The following MTDH variants were observed in gnomAD, a reference collection of about 807,000 sequenced individuals.
MTDH encodes metadherin.
MTDH carries 34 observed loss-of-function variants against 72.7 expected under a neutral mutation model. That is an observed-to-expected ratio of 0.47 (90% confidence interval 0.36 to 0.62). The LOEUF (loss-of-function observed/expected upper bound fraction) is 0.62. Ranked by LOEUF, MTDH falls within the 20% of genes least tolerant of loss-of-function variation. The pLI, the probability that MTDH is intolerant of heterozygous loss-of-function variation, is 0.00. For synonymous variants in MTDH, 266 were observed against 268.9 expected (o/e 0.99, Z 0.10); for missense variants, 677 against 699.4 (o/e 0.97, Z 0.36).
At chr8:97,672,389 T>A in intron 2 of MTDH, among the ~76,000 whole-genome samples, 1 of 152,206 alleles carries the variant, frequency 6.6e-6, no homozygotes, top group East Asian at 1.9e-4. Context: ...CTCTGAGCCT[T>A]GGACTATTAA....
At chr8:97,701,393 C>A (rs1194469393) in intron 7 of MTDH, among the ~76,000 whole-genome samples, 3 of 152,052 alleles carry the variant, frequency 2.0e-5, no homozygotes, top group African/African-American at 4.8e-5. Flanking sequence ...AGTTGTTATA[C>A]TGTATTGTTT....
chr8:97,649,379 TAG>T (rs748258478), intron 1 of MTDH, among the ~76,000 whole-genome samples: 56 of 152,258 alleles, frequency 3.7e-4, no homozygotes, highest in Non-Finnish European at 7.2e-4. Flanking sequence ...CTCGTGTGAG[TAG>T]AGTCTTTTGA....
intron 7 of MTDH, among the ~76,000 whole-genome samples, chr8:97,700,884 G>T (rs1021862197): frequency 6.6e-6 from 1 of 152,140 alleles, no homozygotes; most frequent in Non-Finnish European, 1.5e-5. Flanking sequence ...ATCAAGGTAA[G>T]CTGGCGACAC....
chr8:97,704,121 C>G (rs966888781), intron 7 of MTDH, among the ~76,000 whole-genome samples: 18 of 152,102 alleles, frequency 1.2e-4, no homozygotes, highest in African/African-American at 4.3e-4. Flanking sequence ...CATGTTTTTC[C>G]TCCACTAGGC....
intron 2 of MTDH, among the ~76,000 whole-genome samples, chr8:97,666,228 A>C (rs1342134274): frequency 6.6e-6 from 1 of 152,220 alleles, no homozygotes; most frequent in Non-Finnish European, 1.5e-5. Flanking sequence ...GTCACCACCA[A>C]GTTGTTAGGA....
intron 2 of MTDH, among the ~76,000 whole-genome samples, chr8:97,681,135 ATG>A (rs1284745373): frequency 3.3e-5 from 5 of 152,150 alleles, no homozygotes; most frequent in African/African-American, 1.2e-4. Flanking sequence ...GAAAAAAAAA[ATG>A]AGTACAGGCC....
intron 6 of MTDH, chr8:97,696,336 G>C (rs903943841): frequency 2.7e-5 from 25 of 928,266 alleles, no homozygotes; most frequent in Middle Eastern, 5.4e-4. Context: ...AAAAACATTT[G>C]TTTAATTTTA....
At chr8:97,653,953 A>C (rs1451821938) in intron 1 of MTDH, among the ~76,000 whole-genome samples, 1 of 152,218 alleles carries the variant, frequency 6.6e-6, no homozygotes, top group Non-Finnish European at 1.5e-5. Context: ...GATGTAAAAT[A>C]TTGAAAACCA....
intron 6 of MTDH, among the ~76,000 whole-genome samples, chr8:97,691,792 C>T (rs78600063): frequency 3.3e-5 from 5 of 152,100 alleles, no homozygotes; most frequent in African/African-American, 1.2e-4. Context: ...AAAATGCCAC[C>T]TAGTGACAAC....
chr8:97,720,587 A>ATT (rs1429125338), intron 10 of MTDH, among the ~76,000 whole-genome samples: 6,735 of 147,748 alleles, frequency 0.046, 507 homozygotes, highest in African/African-American at 0.16. Context: ...AAGAATATAT[A>ATT]TATATTTATT....
intron 2 of MTDH, among the ~76,000 whole-genome samples, chr8:97,668,440 G>T (rs1586220293): frequency 6.6e-6 from 1 of 152,050 alleles, no homozygotes; most frequent in East Asian, 1.9e-4. Flanking sequence ...CCTGAGGGCT[G>T]TGTCATGGGC....
chr8:97,714,827 C>CT (rs879844579), intron 9 of MTDH, among the ~76,000 whole-genome samples: 128 of 145,594 alleles, frequency 8.8e-4, no homozygotes, highest in South Asian at 3.1e-3. Context: ...ATTTGTTTAT[C>CT]TTTTTTTTTT....
chr8:97,665,753 G>C (rs1318270561), intron 2 of MTDH, among the ~76,000 whole-genome samples: 1 of 152,086 alleles, frequency 6.6e-6, no homozygotes, highest in Non-Finnish European at 1.5e-5. Context: ...GGTCAAGATA[G>C]GGTAGGGATG....
At chr8:97,661,216 A>T (rs756179454) in intron 2 of MTDH, 43 bp downstream of exon 2, 1 of 1,351,388 alleles carries the variant, frequency 7.4e-7, no homozygotes, top group Non-Finnish European at 1.0e-6. Flanking sequence ...GACTCTTAAT[A>T]GAATGACATA....
chr8:97,653,480 C>T lies in MTDH; in HGVS notation c.382-7592C>T, dbSNP rs1046402474. Among the ~76,000 whole-genome samples the T allele has an allele frequency of 2.6e-5, 4 of 152,234 alleles. No homozygotes were observed. In the East Asian group the frequency reaches 7.7e-4, roughly 29 times the overall value. On this transcript the variant is annotated intron_variant, in intron 1 of 11. Coordinates refer to ENST00000336273, the MANE Select transcript of MTDH (RefSeq NM_178812.4). ...TTACAAAAGCTCCAGAATTTTGGCTCCATTTGTTTGGTTATGTGACAGGAT... is the reference window on the plus strand; with the variant it reads ...TTACAAAAGCTCCAGAATTTTGGCTTCATTTGTTTGGTTATGTGACAGGAT...
chr8:97,704,107 G>A (rs1814251151), intron 7 of MTDH, among the ~76,000 whole-genome samples: 1 of 152,154 alleles, frequency 6.6e-6, no homozygotes, highest in South Asian at 2.1e-4. Flanking sequence ...GTAATCACCT[G>A]TTCCATGTTT....
chr8:97,663,478 G>A (rs1309118382), intron 2 of MTDH, among the ~76,000 whole-genome samples: 1 of 152,072 alleles, frequency 6.6e-6, no homozygotes, highest in Non-Finnish European at 1.5e-5. Flanking sequence ...GCTGGGCGCG[G>A]TGGCTCACGC....
chr8:97,683,045 C>CCTTTTTTTTTTTTTTTTT (rs1813199956), intron 2 of MTDH, among the ~76,000 whole-genome samples: 1 of 44,338 alleles, frequency 2.3e-5, no homozygotes, highest in African/African-American at 8.3e-5. Flanking sequence ...CTCTTAGACA[C>CCTTTTTTTTTTTTTTTTT]TTTTTTTTTT....
At position 97,670,901 on chromosome 8, in the gene MTDH, C is replaced by T. The variant is rs192620371; in HGVS notation, c.483+9728C>T. Reference sequence around the variant, plus strand: ...CCCCCCGAGTAACTGGGATTACAGGCGCCCACTGCCACGCCTGGCTAATTT... The same window carrying T: ...CCCCCCGAGTAACTGGGATTACAGGTGCCCACTGCCACGCCTGGCTAATTT... On this transcript the variant is annotated intron_variant, in intron 2 of 11. Transcript: ENST00000336273. Among the ~76,000 whole-genome samples, 45 of 151,462 alleles carry T rather than the reference C, an allele frequency of 3.0e-4. No homozygotes were observed. In the East Asian group the frequency reaches 6.6e-3, roughly 22 times the overall value.
Sources: gnomAD v4.1 joint callset for allele counts (sites outside exome capture counted in the v4.1 genomes callset) on GRCh38, gnomAD v4.1.1 for gene constraint, MANE v1.5 for transcripts, NCBI Gene and HGNC (gene_info 2026-07-23, HGNC 2026-07-21) for gene names.